The following DCP2 variants were observed in gnomAD, a reference collection of about 807,000 sequenced individuals.
The protein encoded by DCP2 is m7GpppN-mRNA hydrolase.
Under a neutral mutation model 56.1 loss-of-function variants are expected in DCP2, and 30 were observed. The ratio of observed to expected loss-of-function variants is 0.53; its 90% CI spans 0.40 to 0.73. The LOEUF is 0.73. Among genes scored for constraint, DCP2 ranks in the 30% least tolerant of loss-of-function variants. DCP2 has a pLI of 0.00. For synonymous variants in DCP2, 197 were observed against 163.3 expected, an observed-to-expected ratio of 1.21 and a Z score of -1.57; for missense variants, 533 against 502.7, an observed-to-expected ratio of 1.06 and a Z score of -0.58.
chr5:113,004,909 C>T (rs2150186772), intron 8 of DCP2, among the ~76,000 whole-genome samples: 1 of 151,420 alleles, frequency 6.6e-6, no homozygotes, highest in East Asian at 1.9e-4. Context: ...GGTGAATCAC[C>T]TAAGGTCATA....
At position 113,000,399 on chromosome 5, in the gene DCP2, T is replaced by TAC. The variant is rs758225763; in HGVS notation, c.433-660_433-659dup. 1.2e-3 allele frequency among the ~76,000 whole-genome samples: 149 copies of TAC among 123,664 alleles called. 3 individuals carry two copies. The highest frequency in any genetic ancestry group is 7.0e-3 in the East Asian group (31 of 4,440). 81.1% of individuals were successfully genotyped at this position (123,664 alleles called of 152,430 possible). A position where few individuals can be genotyped will look rare whatever the true frequency, so the allele number is the denominator to read the frequency against. On this transcript the variant is annotated intron_variant, in intron 4 of 10. Transcript: ENST00000389063. ...TTTTGAAGTGCAATTACTTGTCTAATACACACACACACACACACACACACA... is the reference window on the plus strand; with the variant it reads ...TTTTGAAGTGCAATTACTTGTCTAATACACACACACACACACACACACACACA...
rs1481503868 is a variant in DCP2 at position 113,014,458 on chromosome 5, A to G, written c.*974A>G. 1 of 152,504 alleles carries G rather than the reference A, an allele frequency of 6.6e-6. No homozygotes were observed. Among genetic ancestry groups the G allele is most frequent in the Non-Finnish European group, 1.5e-5 (1 of 68,042 alleles). The allele number at this position is 152,504 out of a possible 1,614,324, so 9.4% of individuals were successfully genotyped here. ...CTGACATGCTTTTATTGACCTGCTA[A>G]GCCCCTGGATGATGGAGCGAGAAGG... On this transcript the variant is annotated 3_prime_UTR_variant, in exon 11 of 11. Coordinates refer to ENST00000389063, the MANE Select transcript of DCP2 (RefSeq NM_152624.6).
At position 113,019,802 on chromosome 5, in the gene DCP2, T is replaced by C. The variant is rs1423305995; in HGVS notation, c.*6318T>C. 1 of 152,234 alleles carries C rather than the reference T, an allele frequency of 6.6e-6. No individual in the cohort carries two copies. The highest frequency in any genetic ancestry group is 2.4e-5 in the African/African-American group (1 of 41,472). 9.4% of individuals were successfully genotyped at this position (152,234 alleles called of 1,614,324 possible). ...GATCCATGTACAATTCAGACTTTTA[T>C]CTGTTAGCTTTAATAAAAATTTAAA... On this transcript the variant is annotated 3_prime_UTR_variant, in exon 11 of 11. Transcript: ENST00000389063.
At chr5:112,978,170 T>G (rs950623579) in intron 1 of DCP2, among the ~76,000 whole-genome samples, 1 of 152,054 alleles carries the variant, frequency 6.6e-6, no homozygotes, top group Admixed American at 6.6e-5. Flanking sequence ...AGAGACGGGA[T>G]TTCACCATCT....
At chr5:112,979,188 T>G (rs1159531437) in intron 1 of DCP2, among the ~76,000 whole-genome samples, 1 of 152,200 alleles carries the variant, frequency 6.6e-6, no homozygotes, top group Non-Finnish European at 1.5e-5. Flanking sequence ...TCAAGAAATT[T>G]CTTTTTGCAG....
chr5:113,007,748 A>G (rs905339043), intron 8 of DCP2, among the ~76,000 whole-genome samples, 190 bp from the exon 9 acceptor site: 9 of 152,198 alleles, frequency 5.9e-5, no homozygotes, highest in African/African-American at 2.2e-4. Context: ...TCATACCTTT[A>G]GAGAACTCTT....
chr5:112,993,118 G>A (rs1286170033), intron 4 of DCP2, among the ~76,000 whole-genome samples: 2 of 151,954 alleles, frequency 1.3e-5, no homozygotes, highest in African/African-American at 4.8e-5. Flanking sequence ...TTGGCTTCCT[G>A]ACAAGTGCAC....
At chr5:113,004,149 A>G in intron 8 of DCP2, 72 bp downstream of exon 8, 3 of 1,529,794 alleles carry the variant, frequency 2.0e-6, no homozygotes, top group Non-Finnish European at 2.7e-6. Flanking sequence ...TCAATTGGAG[A>G]ATTACATCTT....
Position 112,976,928 on chromosome 5 carries a change from CTCA to C in DCP2, c.-1_2del, listed in dbSNP as rs1747732725. On this transcript the variant is annotated 5_prime_UTR_variant, in exon 1 of 11. Transcript: ENST00000389063. ...GGATGCACTGTTCCTGCTGTGGGTC[CTCA>C]TCATGGAGACCAAACGGGTGGAGAT... The C allele has an allele frequency of 6.2e-7, 1 of 1,611,926 alleles. No homozygotes were observed. The highest frequency in any genetic ancestry group is 8.5e-7 in the Non-Finnish European group (1 of 1,178,342).
At chr5:112,997,903 G>T (rs1030978004) in intron 4 of DCP2, among the ~76,000 whole-genome samples, 1 of 152,080 alleles carries the variant, frequency 6.6e-6, no homozygotes, top group Non-Finnish European at 1.5e-5. Context: ...GTGAGCCACC[G>T]AGCCTGGCCC....
chr5:113,000,957 T>C (rs1749150047), intron 4 of DCP2, 127 bp from the exon 5 acceptor site: 1 of 973,350 alleles, frequency 1.0e-6, no homozygotes, highest in African/African-American at 1.7e-5. Flanking sequence ...TACCAGCCTG[T>C]CATTTCTAGA....
At chr5:112,988,747 G>T (rs919297925) in intron 2 of DCP2, among the ~76,000 whole-genome samples, 6 of 152,174 alleles carry the variant, frequency 3.9e-5, no homozygotes, top group Non-Finnish European at 5.9e-5. Flanking sequence ...TAGGTTCTCT[G>T]GAGAAATCTT....
In DCP2 at chr5:113,014,061, T is replaced by A. The variant is rs745904120; in HGVS notation, c.*577T>A. On this transcript the variant is annotated 3_prime_UTR_variant, in exon 11 of 11. Transcript: ENST00000389063. ...ATTGAGCAGCTTCTGGAATATAATG[T>A]GCATGTCCAAAATGAACTCAGCGCT... The A allele has an allele frequency of 2.0e-5, 3 of 152,312 alleles. No individual in the cohort carries two copies. The East Asian group carries it at 5.8e-4, about 29-fold the overall frequency. The allele number at this position is 152,312 out of a possible 1,614,324, so 9.4% of individuals were successfully genotyped here.
chr5:113,021,421 T>C lies in DCP2; in HGVS notation c.*7937T>C, dbSNP rs117268932. Among the ~76,000 whole-genome samples, 5 of 148,080 alleles carry C rather than the reference T, an allele frequency of 3.4e-5. No homozygotes were observed. Among genetic ancestry groups the C allele is most frequent in the East Asian group, 3.9e-4 (2 of 5,090 alleles). On this transcript the variant is annotated 3_prime_UTR_variant, in exon 11 of 11. Transcript: ENST00000389063. ...AAAAAAAAACCCCCAGGAAGAAATA[T>C]TGTCGAGAGTCTCTGCAAAAATGAA... is the stretch of plus-strand genomic sequence containing the variant.
intron 9 of DCP2, among the ~76,000 whole-genome samples, chr5:113,009,581 T>A (rs1290718560): frequency 6.6e-6 from 1 of 152,168 alleles, no homozygotes; most frequent in Non-Finnish European, 1.5e-5. Context: ...AGTGTTCACT[T>A]TTTCCCTAGA....
In DCP2 at chr5:113,017,199, A is replaced by C. The variant is rs1749924772; in HGVS notation, c.*3715A>C. On this transcript the variant is annotated 3_prime_UTR_variant, in exon 11 of 11. Coordinates refer to ENST00000389063, the MANE Select transcript of DCP2 (RefSeq NM_152624.6). ...TTAATCATAGTTATAGTAAAGTCAG[A>C]CTCATTAACTTTTCTTCCTAGTAAT... 1 of 152,012 alleles carries C rather than the reference A, an allele frequency of 6.6e-6. No homozygotes were observed. The highest frequency in any genetic ancestry group is 2.4e-5 in the African/African-American group (1 of 41,368). The allele number at this position is 152,012 out of a possible 1,614,324, so 9.4% of individuals were successfully genotyped here.
At chr5:112,987,635 T>TTTTTTTTTTTG (rs1446165318) in intron 2 of DCP2, among the ~76,000 whole-genome samples, 2 of 143,938 alleles carry the variant, frequency 1.4e-5, no homozygotes, top group South Asian at 2.3e-4. Flanking sequence ...TTTTTTTTTT[T>TTTTTTTTTTTG]TTTTTTTTTT....
Position 113,001,185 on chromosome 5 carries a change from A to C in DCP2, c.534A>C (p.Pro178=), listed in dbSNP as rs769570611. 4 of 1,613,664 alleles carry C rather than the reference A, an allele frequency of 2.5e-6. No individual in the cohort carries two copies. The African/African-American group carries it at 4.0e-5, about 16-fold the overall frequency. The change falls in exon 5 of 11, where the codon CCA becomes CCC. Residue 178 remains proline, a synonymous_variant. Coordinates refer to ENST00000389063, the MANE Select transcript of DCP2 (RefSeq NM_152624.6). ...NDQLARLYII[P]GIPKDTKFNP... ...AGCTTGCTCGTTTGTACATCATTCC[A>C]GGAATTCCAAAAGACACAAAATTTA...
Position 113,013,376 on chromosome 5 carries a change from G to A in DCP2, c.1155G>A (p.Glu385=), listed in dbSNP as rs1749758206. ...SSEDQLLEHA[E]GQPVACNGHC... ...AAGACCAGTTGCTAGAACATGCTGA[G>A]GGACAGCCCGTGGCATGTAATGGAC... The change falls in exon 11 of 11, where the codon GAG becomes GAA. Residue 385 remains glutamate (E), a synonymous_variant. Transcript: ENST00000389063. 6 of 1,614,014 alleles carry A rather than the reference G, an allele frequency of 3.7e-6. No individual in the cohort carries two copies. Among genetic ancestry groups the A allele is most frequent in the African/African-American group, 1.3e-5 (1 of 74,928 alleles).
Sources: allele counts gnomAD v4.1 joint callset (sites outside exome capture counted in the v4.1 genomes callset), GRCh38; gene constraint gnomAD v4.1.1; transcripts MANE v1.5; gene names NCBI Gene and HGNC (gene_info 2026-07-23, HGNC 2026-07-21).